The following IL1RAPL1 variants were observed in gnomAD, a reference collection of about 807,000 sequenced individuals.
IL1RAPL1 encodes the protein interleukin-1 receptor accessory protein-like 1.
IL1RAPL1 carries 3 observed loss-of-function variants against 48.4 expected under a neutral mutation model. The ratio of observed to expected loss-of-function variants is 0.06; its 90% CI spans 0.03 to 0.16. The LOEUF (loss-of-function observed/expected upper bound fraction) is 0.16. Among genes scored for constraint, IL1RAPL1 ranks in the 10% least tolerant of loss-of-function variants. The pLI, the probability that IL1RAPL1 is intolerant of heterozygous loss-of-function variation, is 1.00. For synonymous variants in IL1RAPL1, 185 were observed against 187.7 expected (o/e 0.99, Z 0.12); for missense variants, 349 against 530.6 (o/e 0.66, Z 3.36).
chrX:29,790,898 C>T (rs1386728924), intron 6 of IL1RAPL1, among the ~76,000 whole-genome samples: 2 of 111,875 alleles, frequency 1.8e-5, no homozygotes, highest in Non-Finnish European at 3.8e-5. Flanking sequence ...TTATCATGGC[C>T]GCCTAAGGCC....
Position 29,461,519 on chromosome X carries a change from G to A in IL1RAPL1, c.703+62211G>A, listed in dbSNP as rs748148855. ...ATAAAACCCAGCAACTCCACACCTA[G>A]ATATCTTCCCAAGAAACATGTTTAT... On this transcript the variant is annotated intron_variant, in intron 5 of 10. Transcript: ENST00000378993. Among the ~76,000 whole-genome samples the A allele has an allele frequency of 8.1e-5, 9 of 111,340 alleles. No individual in the cohort carries two copies. In the East Asian group the frequency reaches 2.2e-3, roughly 28 times the overall value.
intron 2 of IL1RAPL1, among the ~76,000 whole-genome samples, chrX:28,828,058 C>T (rs1326855088): frequency 9.0e-6 from 1 of 111,702 alleles, no homozygotes; most frequent in Non-Finnish European, 1.9e-5. Context: ...TAGTAATACT[C>T]ATCATTTTGC....
intron 1 of IL1RAPL1, among the ~76,000 whole-genome samples, chrX:28,624,728 A>C (rs758048160): frequency 8.9e-6 from 1 of 112,018 alleles, no homozygotes; most frequent in African/African-American, 3.2e-5. Flanking sequence ...ACAGAGTATC[A>C]AACTATGTAC....
chrX:29,218,401 A>C, intron 2 of IL1RAPL1, among the ~76,000 whole-genome samples: 1 of 111,640 alleles, frequency 9.0e-6, no homozygotes, highest in Middle Eastern at 4.7e-3. Flanking sequence ...GACATATCCA[A>C]AGCACGACAA....
chrX:29,742,691 C>T (rs1354324977), intron 6 of IL1RAPL1, among the ~76,000 whole-genome samples: 1 of 111,822 alleles, frequency 8.9e-6, no homozygotes, highest in Middle Eastern at 4.6e-3. Flanking sequence ...ATGAAACATA[C>T]GGGTTGGTTC....
At chrX:28,757,374 GT>G (rs921745812) in intron 1 of IL1RAPL1, among the ~76,000 whole-genome samples, 1 of 112,641 alleles carries the variant, frequency 8.9e-6, no homozygotes, top group African/African-American at 3.2e-5. Flanking sequence ...AGGTTTGTTA[GT>G]TTTTTATCAA....
chrX:29,002,314 T>A (rs770753378), intron 2 of IL1RAPL1, among the ~76,000 whole-genome samples: 1 of 111,420 alleles, frequency 9.0e-6, no homozygotes, highest in East Asian at 2.8e-4. Context: ...ATTATATAAA[T>A]CTATTTTTAT....
chrX:28,761,550 T>C (rs1237313484), intron 1 of IL1RAPL1, among the ~76,000 whole-genome samples: 3 of 111,429 alleles, frequency 2.7e-5, no homozygotes, highest in Admixed American at 1.9e-4. Context: ...TGTGTATTTA[T>C]AAACATAAAG....
chrX:29,866,319 T>C (rs1244642966), intron 6 of IL1RAPL1, among the ~76,000 whole-genome samples: 1 of 111,306 alleles, frequency 9.0e-6, no homozygotes, highest in Admixed American at 9.5e-5. Context: ...TTAGCTGCTC[T>C]CATGGAGCCC....
At chrX:28,819,541 C>G (rs1207172143) in intron 2 of IL1RAPL1, among the ~76,000 whole-genome samples, 1 of 110,438 alleles carries the variant, frequency 9.1e-6, no homozygotes, top group Non-Finnish European at 1.9e-5. Flanking sequence ...GAAGTTTAAG[C>G]CATACACATA....
At chrX:28,893,311 T>G (rs1420795966) in intron 2 of IL1RAPL1, among the ~76,000 whole-genome samples, 1 of 110,891 alleles carries the variant, frequency 9.0e-6, no homozygotes, top group African/African-American at 3.3e-5. Flanking sequence ...TGGCTGAGCT[T>G]GGTGAGTTGT....
At chrX:28,763,409 T>C (rs1936198879) in intron 1 of IL1RAPL1, among the ~76,000 whole-genome samples, 1 of 112,326 alleles carries the variant, frequency 8.9e-6, no homozygotes, top group Non-Finnish European at 1.9e-5. Flanking sequence ...ATTGGTTTTC[T>C]CTTGTAGGAT....
chrX:29,949,516 A>G (rs1338104688), intron 9 of IL1RAPL1, among the ~76,000 whole-genome samples: 2 of 111,983 alleles, frequency 1.8e-5, no homozygotes, highest in Non-Finnish European at 3.8e-5. Context: ...GAGTGTGTAT[A>G]CCAGCTGTTT....
chrX:29,917,663 A>G, intron 7 of IL1RAPL1, 67 bp downstream of exon 7: 1 of 968,884 alleles, frequency 1.0e-6, no homozygotes, highest in East Asian at 3.1e-5. Context: ...AATAGAAAGT[A>G]AGCTGAAAGG....
chrX:28,705,632 G>T (rs1277800974), intron 1 of IL1RAPL1, among the ~76,000 whole-genome samples: 1 of 111,792 alleles, frequency 8.9e-6, no homozygotes, highest in African/African-American at 3.3e-5. Flanking sequence ...TCATATTCCA[G>T]TGGAGTGGCC....
intron 1 of IL1RAPL1, among the ~76,000 whole-genome samples, chrX:28,662,821 C>G (rs755092749): frequency 3.6e-5 from 4 of 111,419 alleles, no homozygotes; most frequent in Non-Finnish European, 7.5e-5. Context: ...ACTCTTTTAA[C>G]TAATTTTGGA....
At position 29,588,788 on chromosome X, in the gene IL1RAPL1, T is replaced by C. The variant is rs151297150; in HGVS notation, c.704-79642T>C. 4.9e-3 allele frequency among the ~76,000 whole-genome samples: 546 copies of C among 112,195 alleles called. 4 individuals are homozygous for C. The highest frequency in any genetic ancestry group is 0.017 in the African/African-American group (516 of 30,925). ...CGAATAGTCAGAAGTTGTTGATGTC[T>C]GGTAAGTTATATTAATGTAAAACCA... On this transcript the variant is annotated intron_variant, in intron 5 of 10. Coordinates refer to ENST00000378993, the MANE Select transcript of IL1RAPL1 (RefSeq NM_014271.4).
chrX:28,979,166 A>T (rs1327283603), intron 2 of IL1RAPL1, among the ~76,000 whole-genome samples: 1 of 111,754 alleles, frequency 8.9e-6, no homozygotes, highest in East Asian at 2.8e-4. Context: ...AAAGTACCAG[A>T]AGTTATGACA....
chrX:29,366,630 G>A (rs778432428), intron 3 of IL1RAPL1, among the ~76,000 whole-genome samples: 64 of 87,854 alleles, frequency 7.3e-4, no homozygotes, highest in Admixed American at 3.9e-3. Flanking sequence ...GTGCAGTGGC[G>A]CGATCTCGGC....
Sources: gnomAD v4.1 joint callset for allele counts (sites outside exome capture counted in the v4.1 genomes callset) on GRCh38, gnomAD v4.1.1 for gene constraint, MANE v1.5 for transcripts, NCBI Gene and HGNC (gene_info 2026-07-23, HGNC 2026-07-21) for gene names.